Variants in TNIP2 observed in about 807,000 individuals in gnomAD.
TNIP2 encodes TNFAIP3 interacting protein 2.
Under a neutral mutation model 43.7 loss-of-function variants are expected in TNIP2, and 30 were observed. That is an observed-to-expected ratio of 0.69 (90% confidence interval 0.51 to 0.93). The LOEUF (loss-of-function observed/expected upper bound fraction) is 0.93, where lower values mean the gene tolerates loss of function less well. Among genes scored for constraint, TNIP2 ranks in the 40% least tolerant of loss-of-function variants. TNIP2 has a pLI of 0.00. For synonymous variants in TNIP2, 260 were observed against 254.6 expected (o/e 1.02, Z -0.20); for missense variants, 599 against 591.0 (o/e 1.01, Z -0.14).
rs1475355592 is a variant in TNIP2, at chr4:2,744,480, C to T, written c.933G>A (p.Met311Ile). Reference sequence around the variant, plus strand: ...CCCGTTCCCGATCGGCCCTTTCTGACATGAAGTCATCCTTGTAAGCGAGAA... The same window carrying T: ...CCCGTTCCCGATCGGCCCTTTCTGATATGAAGTCATCCTTGTAAGCGAGAA... ...QQILAYKDDF[M>I]SERADRERAQ... The change falls in exon 5 of 6, where the codon ATG becomes ATA. Residue 311 changes from methionine to isoleucine, a missense_variant. Met to Ile is a conservative substitution (Grantham distance 10). Coordinates refer to ENST00000315423, the MANE Select transcript of TNIP2 (RefSeq NM_024309.4). This position sits in a 1 kb window ranked among gnomAD's most constrained non-coding sequence, Gnocchi z 5.1. 6.2e-7 allele frequency: 1 copy of T among 1,614,244 alleles called. No individual in the cohort carries two copies. The highest frequency in any genetic ancestry group is 8.5e-7 in the Non-Finnish European group (1 of 1,180,034).
At chr4:2,747,266 C>T (rs1407091823) in intron 2 of TNIP2, among the ~76,000 whole-genome samples, 1 of 152,236 alleles carries the variant, frequency 6.6e-6, no homozygotes, top group African/African-American at 2.4e-5. Flanking sequence ...TCCCCATCCC[C>T]AGCAGTACCA....
intron 3 of TNIP2, 93 bp downstream of exon 3, chr4:2,745,353 G>A (rs879903256): frequency 7.2e-6 from 7 of 966,456 alleles, no homozygotes; most frequent in Non-Finnish European, 1.1e-5. Flanking sequence ...CCAGAGGGCG[G>A]GGGGCGACTC....
chr4:2,748,583 C>T (rs1416789165), intron 1 of TNIP2, among the ~76,000 whole-genome samples: 1 of 152,188 alleles, frequency 6.6e-6, no homozygotes, highest in Admixed American at 6.5e-5. Context: ...ACCTCATGAT[C>T]CGCCTACCTC....
chr4:2,755,286 C>T (rs906542741), intron 1 of TNIP2, among the ~76,000 whole-genome samples: 1 of 150,292 alleles, frequency 6.7e-6, no homozygotes, highest in African/African-American at 2.5e-5. Context: ...ACACAATACA[C>T]ACAGAATACA....
chr4:2,745,888 A>G (rs1310768767), intron 2 of TNIP2: 4 of 237,700 alleles, frequency 1.7e-5, no homozygotes, highest in Non-Finnish European at 3.3e-5. Flanking sequence ...CAGACATGAT[A>G]AAGTCTTCTC....
At chr4:2,749,187 T>C (rs1300286312) in intron 1 of TNIP2, among the ~76,000 whole-genome samples, 2 of 152,000 alleles carry the variant, frequency 1.3e-5, no homozygotes, top group Non-Finnish European at 2.9e-5. Flanking sequence ...CCCAAGCTGG[T>C]CTTAAACTCC....
Position 2,741,907 on chromosome 4 carries a change from G to A in TNIP2, c.*350C>T, listed in dbSNP as rs1464197811. 1.5e-5 allele frequency: 3 copies of A among 205,538 alleles called. No individual in the cohort carries two copies. In the East Asian group the frequency reaches 3.1e-4, roughly 21 times the overall value. The allele number at this position is 205,538 out of a possible 1,614,324, so 12.7% of individuals were successfully genotyped here. On this transcript the variant is annotated 3_prime_UTR_variant, in exon 6 of 6. Transcript: ENST00000315423. ...GGCTCCCACCCTGGGGACCATACAA[G>A]TGACTCCCTCAGGCAGCCACCCCTT... is the stretch of plus-strand genomic sequence containing the variant.
chr4:2,745,540 A>T lies in TNIP2; in HGVS notation c.568-5T>A. On this transcript the variant is annotated splice_region_variant and splice_polypyrimidine_tract_variant and intron_variant, in intron 2 of 5. Transcript: ENST00000315423. ...GTGCCCATCTGTGTGTTCCGACTGCATGAGGAAGGGACAGAGAGAAGACAC... is the reference window on the plus strand; with the variant it reads ...GTGCCCATCTGTGTGTTCCGACTGCTTGAGGAAGGGACAGAGAGAAGACAC... 1 of 1,609,692 alleles carries T rather than the reference A, an allele frequency of 6.2e-7. No individual in the cohort carries two copies. The highest frequency in any genetic ancestry group is 8.5e-7 in the Non-Finnish European group (1 of 1,176,234).
rs1024314811 is a variant in TNIP2, at chr4:2,744,162, C to T, written c.1026+225G>A. 5.3e-5 allele frequency among the ~76,000 whole-genome samples: 8 copies of T among 152,110 alleles called. No homozygotes were observed. Among genetic ancestry groups the T allele is most frequent in the Non-Finnish European group, 7.4e-5 (5 of 68,000 alleles). ...GACAGCCACCTCTGCTAAGACAGGC[C>T]GCCATGCCAGCCTCCTCCATAACTA... is the stretch of plus-strand genomic sequence containing the variant. On this transcript the variant is annotated intron_variant, in intron 5 of 5. Coordinates refer to ENST00000315423, the MANE Select transcript of TNIP2 (RefSeq NM_024309.4). This position sits in a 1 kb window ranked among gnomAD's most constrained non-coding sequence, Gnocchi z 5.1.
chr4:2,741,715 CT>C lies in TNIP2; in HGVS notation c.*541del, dbSNP rs934091535. 6.6e-6 allele frequency: 1 copy of C among 152,544 alleles called. No individual in the cohort carries two copies. The highest frequency in any genetic ancestry group is 1.5e-5 in the Non-Finnish European group (1 of 68,278). The allele number at this position is 152,544 out of a possible 1,614,324, so 9.4% of individuals were successfully genotyped here. A position where few individuals can be genotyped will look rare whatever the true frequency, so the allele number is the denominator to read the frequency against. The stretch of plus-strand genomic sequence containing the variant: ...AAAATAGGTGAATAAAGTAAGTGTG[CT>C]TTAACTTCCGGCTGGATGACAAATG... On this transcript the variant is annotated 3_prime_UTR_variant, in exon 6 of 6. Transcript: ENST00000315423.
intron 1 of TNIP2, among the ~76,000 whole-genome samples, chr4:2,752,819 G>A (rs1722136162): frequency 6.6e-6 from 1 of 152,198 alleles, no homozygotes; most frequent in Non-Finnish European, 1.5e-5. Context: ...CGAGACAGGA[G>A]GATCCCTGGA....
At chr4:2,755,250 T>A (rs1374476878) in intron 1 of TNIP2, among the ~76,000 whole-genome samples, 1 of 151,550 alleles carries the variant, frequency 6.6e-6, no homozygotes, top group Non-Finnish European at 1.5e-5. Flanking sequence ...AAAACACCCC[T>A]AAGAACCAAC....
At position 2,744,963 on chromosome 4, in the gene TNIP2, G is replaced by C; in HGVS notation, c.658-18C>G. 3 of 1,591,514 alleles carry C rather than the reference G, an allele frequency of 1.9e-6. No individual in the cohort carries two copies. Among genetic ancestry groups the C allele is most frequent in the Non-Finnish European group, 2.6e-6 (3 of 1,164,288 alleles). ...TCTTCAACCTGAAGAGGTGGAGCCG[G>C]AAAGCTCACGGTGAAGGCAGCTGAC... is the stretch of plus-strand genomic sequence containing the variant. On this transcript the variant is annotated intron_variant, in intron 3 of 5. Transcript: ENST00000315423. The surrounding 1 kb of genome is among the most constrained non-coding windows in gnomAD (Gnocchi z 5.1).
chr4:2,744,429 C>CTCAAAGATT lies in TNIP2; in HGVS notation c.983_984insAATCTTTGA (p.Glu328_Glu329insIlePheGlu). On this transcript the variant is annotated inframe_insertion, in exon 5 of 6. Transcript: ENST00000315423. This position sits in a 1 kb window ranked among gnomAD's most constrained non-coding sequence, Gnocchi z 5.1. ...GGTGCAGCAAAGAGGCGACCTTTTC[C>CTCAAAGATT]TCCAGTTCTTGAATCCTACTTTGAG... 6.2e-7 allele frequency: 1 copy of CTCAAAGATT among 1,614,236 alleles called. No individual in the cohort carries two copies. Among genetic ancestry groups the CTCAAAGATT allele is most frequent in the Non-Finnish European group, 8.5e-7 (1 of 1,180,038 alleles).
chr4:2,756,195 C>A lies in TNIP2; in HGVS notation c.95G>T (p.Arg32Leu). 1.4e-6 allele frequency: 2 copies of A among 1,475,162 alleles called. No homozygotes were observed. Among genetic ancestry groups the A allele is most frequent in the South Asian group, 1.3e-5 (1 of 78,068 alleles). The allele number at this position is 1,475,162 out of a possible 1,614,324, so 91.4% of individuals were successfully genotyped here. ...TLYHEAGQRLRRLQDQLAARD... is the reference protein window; with the variant it reads ...TLYHEAGQRLLRLQDQLAARD... ...GGCAGCGAGCTGGTCCTGCAGGCGG[C>A]GCAGCCGCTGTCCGGCCTCGTGGTA... The change falls in exon 1 of 6, where the codon CGC becomes CTC. Residue 32 changes from arginine (R) to leucine (L), a missense_variant. Coordinates refer to ENST00000315423, the MANE Select transcript of TNIP2 (RefSeq NM_024309.4).
intron 2 of TNIP2, among the ~76,000 whole-genome samples, chr4:2,747,196 C>T (rs1721970196): frequency 1.3e-5 from 2 of 152,212 alleles, no homozygotes; most frequent in African/African-American, 4.8e-5. Flanking sequence ...ACACACTGAG[C>T]CTGAAGAAGG....
chr4:2,748,346 A>AT (rs773903484), intron 1 of TNIP2, among the ~76,000 whole-genome samples: 182 of 145,406 alleles, frequency 1.3e-3, no homozygotes, highest in East Asian at 5.6e-3. Context: ...AGCTAAAAGA[A>AT]TTTTTTTTTT....
intron 2 of TNIP2, chr4:2,747,382 A>T: frequency 2.4e-6 from 1 of 423,500 alleles, no homozygotes; most frequent in Non-Finnish European, 4.3e-6. Flanking sequence ...AGGCAGATGA[A>T]AGCCAAGTGC....
chr4:2,745,279 C>A, intron 3 of TNIP2, 167 bp downstream of exon 3: 1 of 638,162 alleles, frequency 1.6e-6, no homozygotes, highest in South Asian at 1.9e-5. Context: ...CAGGACATGT[C>A]CCGTACGTCG....
Sources: allele counts gnomAD v4.1 joint callset (sites outside exome capture counted in the v4.1 genomes callset), GRCh38; gene constraint gnomAD v4.1.1; non-coding constraint Gnocchi (gnomAD v3.1); transcripts MANE v1.5; gene names NCBI Gene and HGNC (gene_info 2026-07-23, HGNC 2026-07-21).